Variants in CSNK2A1 observed in about 807,000 individuals in gnomAD.
CSNK2A1 encodes casein kinase II subunit alpha.
A neutral mutation model predicts 62.9 loss-of-function variants in CSNK2A1; 10 were observed. The ratio of observed to expected loss-of-function variants is 0.16; its 90% CI spans 0.10 to 0.27. The LOEUF (loss-of-function observed/expected upper bound fraction) is 0.27. CSNK2A1 is among the 10% of genes least tolerant of loss of function. The pLI is 1.00. For missense variants in CSNK2A1, 160 were observed against 492.0 expected, an observed-to-expected ratio of 0.33 and a Z score of 6.38; for synonymous variants, 124 against 167.8, an observed-to-expected ratio of 0.74 and a Z score of 2.02.
At chr20:500,055 A>C in intron 4 of CSNK2A1, 121 bp from the exon 5 acceptor site, 1 of 713,130 alleles carries the variant, frequency 1.4e-6, no homozygotes, top group Admixed American at 2.6e-5. Context: ...TGAAGGAAGA[A>C]AATGTGTCAC....
In CSNK2A1 at chr20:474,054, A is replaced by G. The variant is rs563673202; in HGVS notation, c.*9907T>C. On this transcript the variant is annotated 3_prime_UTR_variant, in exon 14 of 14. Coordinates refer to ENST00000217244, the MANE Select transcript of CSNK2A1 (RefSeq NM_177559.3). ...CTTTTAAGCAAGGGACTGAGATAAA[A>G]TTTATTTATTATTTTTAAGAGAGAG... 3 of 152,256 alleles carry G rather than the reference A, an allele frequency of 2.0e-5. No homozygotes were observed. The highest frequency in any genetic ancestry group is 7.2e-5 in the African/African-American group (3 of 41,546). 9.4% of individuals were successfully genotyped at this position (152,256 alleles called of 1,614,324 possible).
At chr20:500,634 C>CTTTTTTTTT (rs11479834) in intron 4 of CSNK2A1, 3 of 130,284 alleles carry the variant, frequency 2.3e-5, no homozygotes, top group African/African-American at 5.9e-5. Context: ...CACCAATGCT[C>CTTTTTTTTT]TTTTTTTTTT....
chr20:505,351 GTTTTTTTTTTTT>G (rs746624346), intron 3 of CSNK2A1, 122 bp from the exon 4 acceptor site: 56 of 236,194 alleles, frequency 2.4e-4, no homozygotes, highest in Middle Eastern at 1.4e-3. Flanking sequence ...TCCCAAATAG[GTTTTTTTTTTTT>G]TTTTTTTTTT....
At chr20:529,064 G>T (rs1024046410) in intron 1 of CSNK2A1, among the ~76,000 whole-genome samples, 1 of 152,114 alleles carries the variant, frequency 6.6e-6, no homozygotes, top group Non-Finnish European at 1.5e-5. Flanking sequence ...TTTTAGAGAC[G>T]AGGATTCACT....
intron 2 of CSNK2A1, among the ~76,000 whole-genome samples, chr20:524,075 A>T (rs1010667572): frequency 6.6e-6 from 1 of 151,730 alleles, no homozygotes; most frequent in Non-Finnish European, 1.5e-5. Flanking sequence ...ACTGTGTATT[A>T]ATTTAAAAAA....
chr20:527,597 T>C (rs953127340), intron 2 of CSNK2A1, among the ~76,000 whole-genome samples: 6 of 152,204 alleles, frequency 3.9e-5, no homozygotes, highest in African/African-American at 1.2e-4. Context: ...GTACCTCTTC[T>C]ACAGGGCCAA....
chr20:517,605 GA>G (rs375733592), intron 2 of CSNK2A1, among the ~76,000 whole-genome samples: 33 of 145,788 alleles, frequency 2.3e-4, no homozygotes, highest in African/African-American at 6.0e-4. Flanking sequence ...AACTGTAAGA[GA>G]AAAAAAAAAC....
At chr20:525,421 G>T (rs957254792) in intron 2 of CSNK2A1, among the ~76,000 whole-genome samples, 1 of 152,074 alleles carries the variant, frequency 6.6e-6, no homozygotes, top group Non-Finnish European at 1.5e-5. Flanking sequence ...GGGAGGCTGA[G>T]GCGGGCGGAT....
chr20:487,321 G>A (rs1310747132), intron 12 of CSNK2A1, 106 bp downstream of exon 12: 40 of 1,507,664 alleles, frequency 2.7e-5, no homozygotes, highest in Non-Finnish European at 3.4e-5. Flanking sequence ...GAGGCTCAGT[G>A]TGGGTGAATT....
chr20:512,494 A>G (rs2018743161), intron 2 of CSNK2A1, among the ~76,000 whole-genome samples: 1 of 152,168 alleles, frequency 6.6e-6, no homozygotes, highest in Non-Finnish European at 1.5e-5. Flanking sequence ...ACCACACCCA[A>G]AGAGAAGCCA....
chr20:528,860 G>A (rs56140686), intron 1 of CSNK2A1, among the ~76,000 whole-genome samples: 1 of 152,314 alleles, frequency 6.6e-6, no homozygotes, highest in African/African-American at 2.4e-5. Flanking sequence ...GTCAGAGGTA[G>A]TGATTGGAAA....
chr20:492,478 C>T, intron 8 of CSNK2A1, 114 bp from the exon 9 acceptor site: 1 of 908,672 alleles, frequency 1.1e-6, no homozygotes, highest in African/African-American at 1.7e-5. Context: ...TGAAACCCCT[C>T]CACTGACTAC....
chr20:520,440 T>C (rs1020024306), intron 2 of CSNK2A1, among the ~76,000 whole-genome samples: 1 of 152,104 alleles, frequency 6.6e-6, no homozygotes. Context: ...CAATTAATTT[T>C]TGACAAAGGT....
At position 478,266 on chromosome 20, in the gene CSNK2A1, T is replaced by C. The variant is rs1600358993; in HGVS notation, c.*5695A>G. On this transcript the variant is annotated 3_prime_UTR_variant, in exon 14 of 14. Coordinates refer to ENST00000217244, the MANE Select transcript of CSNK2A1 (RefSeq NM_177559.3). Reference sequence around the variant, plus strand: ...AGAGACGGGAGAACAAAATGAGGTATACCGTCAGGTTTGAAGGGTTGAGGG... The same window carrying C: ...AGAGACGGGAGAACAAAATGAGGTACACCGTCAGGTTTGAAGGGTTGAGGG... 2 of 153,626 alleles carry C rather than the reference T, an allele frequency of 1.3e-5. No individual in the cohort carries two copies. The highest frequency in any genetic ancestry group is 2.9e-5 in the Non-Finnish European group (2 of 68,678). The allele number at this position is 153,626 out of a possible 1,614,324, so 9.5% of individuals were successfully genotyped here.
At chr20:528,594 C>CTT (rs11475071) in intron 1 of CSNK2A1, among the ~76,000 whole-genome samples, 4 of 151,656 alleles carry the variant, frequency 2.6e-5, no homozygotes, top group Admixed American at 2.6e-4. Flanking sequence ...TAAATTTTTT[C>CTT]TTTTTTTTCT....
rs2017980724 is a variant in CSNK2A1, at chr20:482,840, G to C, written c.*1121C>G. 6.6e-6 allele frequency: 1 copy of C among 152,598 alleles called. No homozygotes were observed. Among genetic ancestry groups the C allele is most frequent in the African/African-American group, 2.4e-5 (1 of 41,420 alleles). The allele number at this position is 152,598 out of a possible 1,614,324, so 9.5% of individuals were successfully genotyped here. On this transcript the variant is annotated 3_prime_UTR_variant, in exon 14 of 14. Transcript: ENST00000217244. Reference sequence around the variant, plus strand: ...AGTTTATAGTTTTCCCACAATTACAGGTCTACCATTTCAGCTTCAATGGAG... The same window carrying C: ...AGTTTATAGTTTTCCCACAATTACACGTCTACCATTTCAGCTTCAATGGAG...
chr20:536,753 T>C (rs569360904), intron 1 of CSNK2A1, among the ~76,000 whole-genome samples: 1 of 152,244 alleles, frequency 6.6e-6, no homozygotes, highest in South Asian at 2.1e-4. Flanking sequence ...ATCTACTAAG[T>C]TGTGGTATGA....
At chr20:503,675 T>C (rs2018515634) in intron 4 of CSNK2A1, 3 of 398,598 alleles carry the variant, frequency 7.5e-6, no homozygotes, top group Non-Finnish European at 1.3e-5. Context: ...TTGCAGTAGT[T>C]GCTGTGGTAA....
At chr20:485,115 T>TAATAATAATA (rs1568496757) in intron 13 of CSNK2A1, among the ~76,000 whole-genome samples, 5 of 49,012 alleles carry the variant, frequency 1.0e-4, no homozygotes, top group African/African-American at 4.5e-4. Flanking sequence ...AAAAAATATA[T>TAATAATAATA]ATATATATAT....
Sources: gnomAD v4.1 joint callset for allele counts (sites outside exome capture counted in the v4.1 genomes callset) on GRCh38, gnomAD v4.1.1 for gene constraint, MANE v1.5 for transcripts, NCBI Gene and HGNC (gene_info 2026-07-23, HGNC 2026-07-21) for gene names.